KIAA1328: variants seen among roughly 807,000 people sequenced by gnomAD.
The protein encoded by KIAA1328 is protein hinderin.
In KIAA1328, 52 loss-of-function variants were observed where a neutral mutation model predicts 68.1. The observed-to-expected ratio is 0.76, with a 90% CI of 0.61 to 0.96. KIAA1328 has a LOEUF of 0.96. Ranked by LOEUF, KIAA1328 falls within the 40% of genes least tolerant of loss-of-function variation. KIAA1328 has a pLI of 0.00. For synonymous variants in KIAA1328, 232 were observed against 239.4 expected (o/e 0.97, Z 0.28); for missense variants, 641 against 677.6 (o/e 0.95, Z 0.60).
At chr18:37,199,847 A>G (rs1016483148) in intron 9 of KIAA1328, among the ~76,000 whole-genome samples, 5 of 152,198 alleles carry the variant, frequency 3.3e-5, no homozygotes, top group African/African-American at 1.2e-4. Flanking sequence ...TTAATGATCA[A>G]TGATGTTGAG....
At chr18:37,170,302 A>C (rs2154213359) in intron 8 of KIAA1328, among the ~76,000 whole-genome samples, 1 of 152,312 alleles carries the variant, frequency 6.6e-6, no homozygotes, top group African/African-American at 2.4e-5. Context: ...TTCAAAATCC[A>C]GCTTTGCTCT....
intron 3 of KIAA1328, among the ~76,000 whole-genome samples, chr18:36,836,295 A>C (rs2046672802): frequency 6.6e-6 from 1 of 152,166 alleles, no homozygotes; most frequent in South Asian, 2.1e-4. Context: ...AAAGTTAAAA[A>C]ATGTTTTTTC....
chr18:37,057,667 C>A (rs1211310258), intron 6 of KIAA1328, among the ~76,000 whole-genome samples: 3 of 151,728 alleles, frequency 2.0e-5, no homozygotes, highest in African/African-American at 7.3e-5. Context: ...GATCTCCTGA[C>A]CTCGTGATCC....
intron 5 of KIAA1328, among the ~76,000 whole-genome samples, chr18:36,914,691 G>C (rs1182034533): frequency 2.6e-5 from 4 of 152,094 alleles, no homozygotes; most frequent in Non-Finnish European, 5.9e-5. Flanking sequence ...CTGCACTCCA[G>C]CCTGGGCAAA....
intron 5 of KIAA1328, among the ~76,000 whole-genome samples, chr18:36,956,794 G>A (rs917260696): frequency 4.6e-5 from 7 of 152,096 alleles, no homozygotes; most frequent in Admixed American, 2.6e-4. Flanking sequence ...TGGTAACAGC[G>A]AGAATAAAAA....
intron 5 of KIAA1328, among the ~76,000 whole-genome samples, chr18:36,935,844 A>G (rs1476203726): frequency 5.3e-5 from 8 of 152,172 alleles, no homozygotes; most frequent in African/African-American, 1.9e-4. Context: ...GGTTCTTGGC[A>G]TTTTAAATTA....
chr18:36,841,699 A>C (rs1043815871), intron 3 of KIAA1328, among the ~76,000 whole-genome samples: 1 of 152,228 alleles, frequency 6.6e-6, no homozygotes, highest in Admixed American at 6.5e-5. Flanking sequence ...AGCCATAAGC[A>C]ATATGCAAAT....
intron 4 of KIAA1328, among the ~76,000 whole-genome samples, chr18:36,866,953 G>C (rs1459789500): frequency 6.6e-6 from 1 of 152,200 alleles, no homozygotes; most frequent in Non-Finnish European, 1.5e-5. Flanking sequence ...GTCACTCAGA[G>C]TGCTTGGTAC....
chr18:37,098,875 G>A (rs993162254), intron 7 of KIAA1328, among the ~76,000 whole-genome samples: 2 of 152,118 alleles, frequency 1.3e-5, no homozygotes, highest in Non-Finnish European at 2.9e-5. Flanking sequence ...AGTTTTTATA[G>A]TGTCCTCTGA....
At chr18:37,161,977 A>G (rs1345606112) in intron 8 of KIAA1328, among the ~76,000 whole-genome samples, 2 of 152,226 alleles carry the variant, frequency 1.3e-5, no homozygotes, top group African/African-American at 4.8e-5. Flanking sequence ...GAAGCCTGAA[A>G]AGGTCTTGTG....
intron 9 of KIAA1328, among the ~76,000 whole-genome samples, chr18:37,199,469 T>C (rs2154219177): frequency 6.6e-6 from 1 of 152,362 alleles, no homozygotes; most frequent in Middle Eastern, 3.4e-3. Flanking sequence ...GGTGTTTATG[T>C]ACCACATTTT....
intron 5 of KIAA1328, among the ~76,000 whole-genome samples, chr18:36,926,782 G>A (rs1413612637): frequency 6.6e-6 from 1 of 152,102 alleles, no homozygotes; most frequent in African/African-American, 2.4e-5. Context: ...TTCTTGCATT[G>A]CTATAAAGGA....
At chr18:36,976,310 T>C (rs1437451561) in intron 6 of KIAA1328, among the ~76,000 whole-genome samples, 1 of 152,240 alleles carries the variant, frequency 6.6e-6, no homozygotes, top group East Asian at 1.9e-4. Flanking sequence ...AGATGTAAGC[T>C]AGTCGTGACT....
intron 6 of KIAA1328, among the ~76,000 whole-genome samples, chr18:36,982,727 A>G (rs1306661545): frequency 6.6e-6 from 1 of 152,022 alleles, no homozygotes; most frequent in African/African-American, 2.4e-5. Flanking sequence ...ATGGGTAAAT[A>G]TATAATATTT....
At chr18:36,978,058 C>T (rs2052540730) in intron 6 of KIAA1328, among the ~76,000 whole-genome samples, 1 of 152,222 alleles carries the variant, frequency 6.6e-6, no homozygotes, top group South Asian at 2.1e-4. Context: ...GCTGAGATTA[C>T]AGGTGAGAGC....
intron 5 of KIAA1328, among the ~76,000 whole-genome samples, chr18:36,914,396 A>G (rs905033246): frequency 6.6e-6 from 1 of 152,160 alleles, no homozygotes; most frequent in African/African-American, 2.4e-5. Flanking sequence ...AAAATAAGAA[A>G]ACCTCCCAGA....
rs147935132 is a variant in KIAA1328 at position 37,071,470 on chromosome 18, G to C, written c.1232+3925G>C. Among the ~76,000 whole-genome samples, 190 of 151,612 alleles carry C rather than the reference G, an allele frequency of 1.3e-3. 2 individuals carry two copies. In the East Asian group the frequency reaches 0.034, roughly 27 times the overall value. ...CAACTGTGGATTGAAAATAGTTGGG[G>C]GCAATAAATAATGCAACAATAAAAC... On this transcript the variant is annotated intron_variant, in intron 7 of 9. Transcript: ENST00000280020.
chr18:36,977,904 C>T (rs1036212786), intron 6 of KIAA1328, among the ~76,000 whole-genome samples: 1 of 151,980 alleles, frequency 6.6e-6, no homozygotes, highest in Admixed American at 6.6e-5. Context: ...ATGTCTCAGC[C>T]TTTCAAGTAG....
intron 5 of KIAA1328, among the ~76,000 whole-genome samples, chr18:36,886,806 G>A (rs1391655312): frequency 3.3e-5 from 5 of 152,100 alleles, no homozygotes; most frequent in African/African-American, 7.2e-5. Context: ...TGCAAATGTC[G>A]AAAATGGTCT....
Sources: allele counts gnomAD v4.1 joint callset (sites outside exome capture counted in the v4.1 genomes callset), GRCh38; gene constraint gnomAD v4.1.1; transcripts MANE v1.5; gene names NCBI Gene and HGNC (gene_info 2026-07-23, HGNC 2026-07-21).